The following ABR variants were observed in gnomAD, a reference collection of about 807,000 sequenced individuals.
ABR encodes ABR activator of RhoGEF and GTPase.
Under a neutral mutation model 107.2 loss-of-function variants are expected in ABR, and 35 were observed. That is an observed-to-expected ratio of 0.33 (90% CI 0.25 to 0.43). The LOEUF (loss-of-function observed/expected upper bound fraction) is 0.43, where lower values mean the gene tolerates loss of function less well. Among genes scored for constraint, ABR ranks in the 20% least tolerant of loss-of-function variants. ABR has a pLI of 1.00. For missense variants in ABR, 815 were observed against 1,115.2 expected, an observed-to-expected ratio of 0.73 and a Z score of 3.83; for synonymous variants, 498 against 462.0, an observed-to-expected ratio of 1.08 and a Z score of -1.00.
At chr17:1,110,649 T>TGA (rs1420154928) in intron 2 of ABR, among the ~76,000 whole-genome samples, 1 of 152,228 alleles carries the variant, frequency 6.6e-6, no homozygotes, top group Non-Finnish European at 1.5e-5. Flanking sequence ...CTCTGGGCTC[T>TGA]AGGTGGGGCT....
At chr17:1,107,303 G>C (rs1460182178) in intron 2 of ABR, among the ~76,000 whole-genome samples, 1 of 152,232 alleles carries the variant, frequency 6.6e-6, no homozygotes, top group East Asian at 1.9e-4. Context: ...CTGGGAACCT[G>C]GTGCACCCTT....
intron 16 of ABR, among the ~76,000 whole-genome samples, chr17:1,026,458 G>A (rs2072203018): frequency 6.6e-6 from 1 of 152,208 alleles, no homozygotes; most frequent in Admixed American, 6.5e-5. Flanking sequence ...CCAGAAAGGA[G>A]ATCCCTCCAG....
chr17:1,037,655 C>G lies in ABR; in HGVS notation c.1791+12395G>C, dbSNP rs1421783192. On this transcript the variant is annotated intron_variant, in intron 16 of 22. Transcript: ENST00000302538. This position sits in a 1 kb window ranked among gnomAD's most constrained non-coding sequence, Gnocchi z 4.6. ...GCTGGAGCCCCCCTGGGCTGCTTGCCTGCTCCTCCTCCCGGGAAGGAGGGG... is the reference window on the plus strand; with the variant it reads ...GCTGGAGCCCCCCTGGGCTGCTTGCGTGCTCCTCCTCCCGGGAAGGAGGGG... Among the ~76,000 whole-genome samples the G allele has an allele frequency of 6.6e-6, 1 of 152,198 alleles. No homozygotes were observed. The highest frequency in any genetic ancestry group is 1.5e-5 in the Non-Finnish European group (1 of 68,032).
intron 1 of ABR, among the ~76,000 whole-genome samples, chr17:1,136,496 T>G (rs898936750): frequency 1.3e-5 from 2 of 152,212 alleles, no homozygotes; most frequent in African/African-American, 4.8e-5. Context: ...CCCACAGTGC[T>G]GGGATTACAG....
chr17:1,127,822 C>T (rs2039664885), intron 1 of ABR, among the ~76,000 whole-genome samples: 1 of 152,204 alleles, frequency 6.6e-6, no homozygotes, highest in African/African-American at 2.4e-5. Flanking sequence ...CTCTGCCAGT[C>T]TCCCCACATG....
At chr17:1,223,338 T>C (rs1350451428) in intron 1 of ABR, among the ~76,000 whole-genome samples, 1 of 86,114 alleles carries the variant, frequency 1.2e-5, no homozygotes, top group Admixed American at 1.0e-4. Context: ...GAGACACGAA[T>C]ACCCTCCATC....
rs532034990 is a variant in ABR, at chr17:1,201,657, G to A, written c.838+27136C>T. 2.0e-5 allele frequency among the ~76,000 whole-genome samples: 3 copies of A among 149,962 alleles called. No individual in the cohort carries two copies. The South Asian group carries it at 6.5e-4, about 33-fold the overall frequency. On this transcript the variant is annotated intron_variant, in intron 1 of 22. Coordinates refer to the ABR transcript ENST00000574139. ...GGGGTGTCTCATTGACAGTGCAGAGGTAGCTTACTAGCATTTTTGCTTGTT... is the reference window on the plus strand; with the variant it reads ...GGGGTGTCTCATTGACAGTGCAGAGATAGCTTACTAGCATTTTTGCTTGTT...
chr17:1,153,721 ACGGGAGGGCTGGGGGTCCAGGCACACCTG>A (rs1434499327), intron 1 of ABR: 199 of 18,550 alleles, frequency 0.011, 1 homozygote, highest in African/African-American at 0.019. Context: ...AGGCACACCT[ACGGGAGGGCTGGGGGTCCAGGCACACCTG>A]CGGGAGGGCT....
chr17:1,078,764 C>T lies in ABR; in HGVS notation c.700+566G>A. 2.0e-6 allele frequency: 3 copies of T among 1,526,772 alleles called. No individual in the cohort carries two copies. Among genetic ancestry groups the T allele is most frequent in the Admixed American group, 2.0e-5 (1 of 50,852 alleles). 94.6% of individuals were successfully genotyped at this position (1,526,772 alleles called of 1,614,324 possible). A position where few individuals can be genotyped will look rare whatever the true frequency, so the allele number is the denominator to read the frequency against. On this transcript the variant is annotated intron_variant, in intron 6 of 22. Transcript: ENST00000302538. This position sits in a 1 kb window ranked among gnomAD's most constrained non-coding sequence, Gnocchi z 7.5. ...CACATCTAAGCCCACTCCAGCCGGC[C>T]CCCAGAGGTGGGAGGGTCCGCCACC... is the stretch of plus-strand genomic sequence containing the variant.
chr17:1,060,720 C>T (rs952523431), intron 10 of ABR, among the ~76,000 whole-genome samples: 3 of 152,014 alleles, frequency 2.0e-5, no homozygotes, highest in Admixed American at 6.6e-5. Context: ...AGGCTGAGCA[C>T]GGTGGCTCAC....
intron 10 of ABR, among the ~76,000 whole-genome samples, chr17:1,060,375 A>C (rs918300795): frequency 6.6e-6 from 1 of 152,094 alleles, no homozygotes; most frequent in African/African-American, 2.4e-5. Flanking sequence ...TCACCAGTGC[A>C]CTCCAGCCTG....
intron 16 of ABR, among the ~76,000 whole-genome samples, chr17:1,033,696 C>G (rs1003741546): frequency 1.3e-5 from 2 of 152,188 alleles, no homozygotes; most frequent in African/African-American, 4.8e-5. Flanking sequence ...ACGGTGCACA[C>G]GGAACTTCCT....
chr17:1,184,547 C>T (rs2042232998), upstream of ABR, among the ~76,000 whole-genome samples: 1 of 152,196 alleles, frequency 6.6e-6, no homozygotes, highest in African/African-American at 2.4e-5. Flanking sequence ...GGTAGACTCC[C>T]AGCACAGCTA....
intron 1 of ABR, among the ~76,000 whole-genome samples, chr17:1,164,957 A>T (rs1033049924): frequency 8.5e-5 from 13 of 152,210 alleles, no homozygotes; most frequent in Non-Finnish European, 1.6e-4. Flanking sequence ...ACTTATATTT[A>T]AAAATTATTC....
chr17:1,061,707 C>T (rs997330512), intron 10 of ABR, among the ~76,000 whole-genome samples: 4 of 152,062 alleles, frequency 2.6e-5, no homozygotes, highest in Non-Finnish European at 5.9e-5. Flanking sequence ...CCACCACACC[C>T]GGCTAACTTT....
At chr17:1,189,192 G>A (rs1163224099), upstream of ABR, among the ~76,000 whole-genome samples, 1 of 152,110 alleles carries the variant, frequency 6.6e-6, no homozygotes, top group Non-Finnish European at 1.5e-5. Flanking sequence ...CCGTTGGTTG[G>A]AGCAGTCCCA....
intron 16 of ABR, among the ~76,000 whole-genome samples, chr17:1,026,767 A>AG (rs1403933805): frequency 1.3e-5 from 2 of 152,178 alleles, no homozygotes; most frequent in East Asian, 3.9e-4. Flanking sequence ...ATGAGTTCAC[A>AG]GGGGAAACGA....
At chr17:1,042,893 A>T (rs535082243) in intron 16 of ABR, among the ~76,000 whole-genome samples, 1 of 152,346 alleles carries the variant, frequency 6.6e-6, no homozygotes, top group East Asian at 1.9e-4. Flanking sequence ...TCAGAAAGGG[A>T]GGAAATTCAG....
At chr17:1,085,799 A>C (rs2036556529) in intron 4 of ABR, among the ~76,000 whole-genome samples, 1 of 152,188 alleles carries the variant, frequency 6.6e-6, no homozygotes, top group African/African-American at 2.4e-5. Flanking sequence ...TGCGGGAATA[A>C]ATAAAAGATA....
Sources: allele counts gnomAD v4.1 joint callset (sites outside exome capture counted in the v4.1 genomes callset), GRCh38; gene constraint gnomAD v4.1.1; non-coding constraint Gnocchi (gnomAD v3.1); transcripts MANE v1.5; gene names NCBI Gene and HGNC (gene_info 2026-07-23, HGNC 2026-07-21).